EYS: variants seen among roughly 807,000 people sequenced by gnomAD.
EYS encodes protein eyes shut homolog.
Under a neutral mutation model 282.1 loss-of-function variants are expected in EYS, and 250 were observed. The ratio of observed to expected loss-of-function variants is 0.89; its 90% CI spans 0.80 to 0.98. The LOEUF (loss-of-function observed/expected upper bound fraction) is 0.98, where lower values mean the gene tolerates loss of function less well. EYS is among the 50% of genes least tolerant of loss of function. The pLI is 0.00. For synonymous variants in EYS, 1,355 were observed against 1,282.9 expected (o/e 1.06, Z -1.20); for missense variants, 4,016 against 3,709.0 (o/e 1.08, Z -2.15).
chr6:63,879,060 A>G (rs1486704048), intron 35 of EYS, among the ~76,000 whole-genome samples: 1 of 152,164 alleles, frequency 6.6e-6, no homozygotes, highest in African/African-American at 2.4e-5. Flanking sequence ...GGAGCTGTAG[A>G]CTGGAGCTGT....
intron 7 of EYS, among the ~76,000 whole-genome samples, chr6:65,401,201 A>AT (rs1012690564): frequency 2.0e-5 from 3 of 148,086 alleles, no homozygotes; most frequent in Non-Finnish European, 4.5e-5. Context: ...AGTCGTTTTT[A>AT]TTTTTATTAT....
At chr6:64,801,903 C>T (rs192936258) in intron 22 of EYS, among the ~76,000 whole-genome samples, 42 of 151,710 alleles carry the variant, frequency 2.8e-4, no homozygotes, top group African/African-American at 7.7e-4. Context: ...CTTTGCCAAT[C>T]TATCTTTGCC....
intron 41 of EYS, among the ~76,000 whole-genome samples, chr6:63,738,593 G>A (rs552729194): frequency 1.6e-5 from 2 of 122,616 alleles, no homozygotes; most frequent in Non-Finnish European, 3.4e-5. Flanking sequence ...GTTGTGGGGT[G>A]GGGGGAGGGG....
intron 31 of EYS, among the ~76,000 whole-genome samples, chr6:64,161,666 T>C (rs1775112347): frequency 6.6e-6 from 1 of 152,166 alleles, no homozygotes; most frequent in Non-Finnish European, 1.5e-5. Flanking sequence ...TGCTATCTTG[T>C]TAAATAGAAA....
chr6:65,528,164 A>C (rs2127304982), intron 2 of EYS, among the ~76,000 whole-genome samples: 1 of 152,328 alleles, frequency 6.6e-6, no homozygotes, highest in Non-Finnish European at 1.5e-5. Flanking sequence ...TGAAAGTAGA[A>C]ATAATTTATA....
chr6:64,858,654 T>C (rs1346806708), intron 19 of EYS, among the ~76,000 whole-genome samples: 2 of 152,140 alleles, frequency 1.3e-5, no homozygotes, highest in East Asian at 3.8e-4. Context: ...AATTGGTATT[T>C]ATGCTGTTTC....
At chr6:65,657,208 C>T (rs546380119) in intron 1 of EYS, among the ~76,000 whole-genome samples, 1 of 151,850 alleles carries the variant, frequency 6.6e-6, no homozygotes, top group Admixed American at 6.6e-5. Flanking sequence ...AATGGAGAAG[C>T]ATGTTGCTTT....
At chr6:64,862,803 T>C (rs998853776) in intron 19 of EYS, among the ~76,000 whole-genome samples, 3 of 152,184 alleles carry the variant, frequency 2.0e-5, no homozygotes, top group Admixed American at 1.3e-4. Context: ...TCTGCTAATT[T>C]ACATTGTTTC....
intron 12 of EYS, among the ~76,000 whole-genome samples, chr6:65,153,703 A>T (rs533679282): frequency 6.6e-6 from 1 of 151,828 alleles, no homozygotes; most frequent in Admixed American, 6.6e-5. Context: ...CATCAGTGAT[A>T]TTTTGGTATA....
At chr6:65,491,266 T>TAC (rs1491185747) in intron 4 of EYS, 3 of 157,272 alleles carry the variant, frequency 1.9e-5, no homozygotes, top group East Asian at 3.7e-4. Flanking sequence ...CTATATCAGT[T>TAC]ATATACACAC....
intron 26 of EYS, among the ~76,000 whole-genome samples, chr6:64,528,454 G>C (rs1777995099): frequency 6.6e-6 from 1 of 151,802 alleles, no homozygotes; most frequent in Non-Finnish European, 1.5e-5. Flanking sequence ...TAGCCTAGTA[G>C]GGGGCTCTGT....
chr6:64,049,368 G>C (rs1770732519), intron 33 of EYS, among the ~76,000 whole-genome samples: 1 of 152,122 alleles, frequency 6.6e-6, no homozygotes, highest in Non-Finnish European at 1.5e-5. Flanking sequence ...TTGCAGAGAT[G>C]AGCACATTTC....
At chr6:63,937,014 G>A (rs1178023362) in intron 35 of EYS, among the ~76,000 whole-genome samples, 1 of 152,198 alleles carries the variant, frequency 6.6e-6, no homozygotes, top group Admixed American at 6.6e-5. Flanking sequence ...AGAGAGATTA[G>A]TGCTGCTCTG....
intron 30 of EYS, among the ~76,000 whole-genome samples, chr6:64,236,227 C>A (rs1227112120): frequency 6.6e-6 from 1 of 152,198 alleles, no homozygotes; most frequent in African/African-American, 2.4e-5. Context: ...TCCGCCTTGG[C>A]CTCCCAAAGG....
Position 63,859,075 on chromosome 6 carries a change from GTTTTTTTTTTTTTTTT to G in EYS, c.7228+5095_7228+5110del, listed in dbSNP as rs745344580. On this transcript the variant is annotated intron_variant, in intron 36 of 42. Coordinates refer to ENST00000503581, the MANE Select transcript of EYS (RefSeq NM_001142800.2). ...TTGATTTCCATTGATGTCCTAGAGA[GTTTTTTTTTTTTTTTT>G]TTTTTTTTTTTTTTTTTTTTAATAG... Among the ~76,000 whole-genome samples, 40 of 47,934 alleles carry G rather than the reference GTTTTTTTTTTTTTTTT, an allele frequency of 8.3e-4. 1 individual carries two copies. Among genetic ancestry groups the G allele is most frequent in the African/African-American group, 3.7e-3 (33 of 8,938 alleles). The allele number at this position is 47,934 out of a possible 152,430, so 31.4% of individuals were successfully genotyped here. A position where few individuals can be genotyped will look rare whatever the true frequency, so the allele number is the denominator to read the frequency against.
At chr6:64,282,058 T>C (rs1316311123) in intron 30 of EYS, among the ~76,000 whole-genome samples, 1 of 152,136 alleles carries the variant, frequency 6.6e-6, no homozygotes, top group Admixed American at 6.5e-5. Flanking sequence ...AAAGTGTCTA[T>C]TCTGATGTCT....
At chr6:64,532,007 C>A (rs1005359541) in intron 26 of EYS, among the ~76,000 whole-genome samples, 3 of 152,144 alleles carry the variant, frequency 2.0e-5, no homozygotes, top group African/African-American at 7.2e-5. Flanking sequence ...AGAGGTAAGA[C>A]AATTCTACCA....
intron 19 of EYS, among the ~76,000 whole-genome samples, chr6:64,864,544 C>T (rs75558044): frequency 0.15 from 23,247 of 150,026 alleles, 2,099 homozygotes; most frequent in East Asian, 0.49. Flanking sequence ...CGCCACCATG[C>T]CCAGCTAATT....
intron 19 of EYS, among the ~76,000 whole-genome samples, chr6:64,867,312 T>C (rs1202109870): frequency 1.3e-5 from 2 of 151,744 alleles, no homozygotes; most frequent in Admixed American, 6.6e-5. Context: ...TCCTCTACCA[T>C]CTTTTTCACC....
Sources: allele counts gnomAD v4.1 joint callset (sites outside exome capture counted in the v4.1 genomes callset), GRCh38; gene constraint gnomAD v4.1.1; transcripts MANE v1.5; gene names NCBI Gene and HGNC (gene_info 2026-07-23, HGNC 2026-07-21).